Variants in TENM2 observed in about 807,000 individuals in gnomAD.
TENM2 encodes teneurin-2.
A neutral mutation model predicts 245.2 loss-of-function variants in TENM2; 52 were observed. The ratio of observed to expected loss-of-function variants is 0.21; its 90% CI spans 0.17 to 0.27. The LOEUF (loss-of-function observed/expected upper bound fraction) is 0.27. Among genes scored for constraint, TENM2 ranks in the 10% least tolerant of loss-of-function variants. The pLI, the probability that TENM2 is intolerant of heterozygous loss-of-function variation, is 1.00. For missense variants in TENM2, 3,046 were observed against 3,666.8 expected, an observed-to-expected ratio of 0.83 and a Z score of 4.37; for synonymous variants, 1,363 against 1,438.9, an observed-to-expected ratio of 0.95 and a Z score of 1.19.
chr5:168,195,853 G>A (rs1174545348), intron 15 of TENM2, among the ~76,000 whole-genome samples: 1 of 152,034 alleles, frequency 6.6e-6, no homozygotes, highest in African/African-American at 2.4e-5. Flanking sequence ...CTGTGTGAAG[G>A]AGGCAACCTT....
At chr5:167,662,364 T>C (rs1332399418) in intron 2 of TENM2, among the ~76,000 whole-genome samples, 1 of 152,192 alleles carries the variant, frequency 6.6e-6, no homozygotes, top group East Asian at 1.9e-4. Flanking sequence ...ATGTGTGTTG[T>C]TCATTTTAAT....
At chr5:168,033,557 G>A (rs1443465063) in intron 5 of TENM2, among the ~76,000 whole-genome samples, 1 of 152,078 alleles carries the variant, frequency 6.6e-6, no homozygotes, top group Non-Finnish European at 1.5e-5. Context: ...CACACTCCCA[G>A]ACCTCAGTTA....
intron 14 of TENM2, among the ~76,000 whole-genome samples, chr5:168,192,676 TA>T (rs537267035): frequency 2.0e-5 from 3 of 152,222 alleles, no homozygotes; most frequent in African/African-American, 7.2e-5. Flanking sequence ...CTCTGATAAA[TA>T]AAAAGCATTT....
chr5:167,666,246 A>T (rs1172701149), intron 2 of TENM2, among the ~76,000 whole-genome samples: 3 of 152,184 alleles, frequency 2.0e-5, no homozygotes, highest in Non-Finnish European at 4.4e-5. Context: ...GGTTGAAAGG[A>T]ACTGAAGTGA....
At chr5:167,055,396 C>T in the TENM2 span, among the ~76,000 whole-genome samples, 1 of 151,998 alleles carries the variant, frequency 6.6e-6, no homozygotes, top group African/African-American at 2.4e-5. Flanking sequence ...TCCCATTGAT[C>T]TATTTGTCCA....
chr5:167,660,763 C>G (rs1755160253), intron 2 of TENM2, among the ~76,000 whole-genome samples: 1 of 152,036 alleles, frequency 6.6e-6, no homozygotes, highest in Non-Finnish European at 1.5e-5. Flanking sequence ...TAACTAGTAT[C>G]TAAAGGAAAG....
chr5:167,290,393 G>A (rs79786345), intron 1 of TENM2, among the ~76,000 whole-genome samples: 7,806 of 152,102 alleles, frequency 0.051, 638 homozygotes, highest in African/African-American at 0.17. Context: ...TATTAGATCT[G>A]GACATTATCT....
rs541388954 is a variant in TENM2, at chr5:167,285,839, G to A, written c.226+776G>A. 4.7e-4 allele frequency among the ~76,000 whole-genome samples: 72 copies of A among 152,346 alleles called. No individual in the cohort carries two copies. In the South Asian group the frequency reaches 0.014, roughly 30 times the overall value. ...CACAAAACTGTACCGAATGCCTCGG[G>A]AAGGGTCACTCTGCCAGTGCCAAAG... On this transcript the variant is annotated intron_variant, in intron 1 of 28. Transcript: ENST00000518659.
In TENM2 at chr5:168,070,810, AG is replaced by A. The variant is rs1396343887; in HGVS notation, c.1515+8546del. Among the ~76,000 whole-genome samples, 456 of 135,760 alleles carry A rather than the reference AG, an allele frequency of 3.4e-3. 2 individuals are homozygous for A. Among genetic ancestry groups the A allele is most frequent in the African/African-American group, 0.011 (431 of 37,626 alleles). 89.1% of individuals were successfully genotyped at this position (135,760 alleles called of 152,430 possible). A position where few individuals can be genotyped will look rare whatever the true frequency, so the allele number is the denominator to read the frequency against. Reference sequence around the variant, plus strand: ...AAGAAAGAAAGAGAGAGAGAGAGAGAGAGAGAGAGAAAAAAAGAAAGAAGAA... The same window carrying A: ...AAGAAAGAAAGAGAGAGAGAGAGAGAAGAGAGAGAAAAAAAGAAAGAAGAA... On this transcript the variant is annotated intron_variant, in intron 7 of 28. Transcript: ENST00000518659.
At chr5:167,167,636 G>A in the TENM2 span, among the ~76,000 whole-genome samples, 2 of 152,196 alleles carry the variant, frequency 1.3e-5, no homozygotes, top group Non-Finnish European at 2.9e-5. Flanking sequence ...ACTGTCTTAT[G>A]TGTGATCACA....
rs144964373 is a variant in TENM2, at chr5:167,545,602, A to G, written c.502+170129A>G. On this transcript the variant is annotated intron_variant, in intron 2 of 28. Transcript: ENST00000518659. ...TCTGATAGTGCATTATACATCAAAT[A>G]CAATAAAAAAGGCATTAACAAAAAC... Among the ~76,000 whole-genome samples the G allele has an allele frequency of 5.9e-4, 90 of 152,342 alleles. 1 individual carries two copies. The East Asian group carries it at 0.015, about 26-fold the overall frequency.
At chr5:167,687,025 C>T (rs541940852) in intron 2 of TENM2, among the ~76,000 whole-genome samples, 1 of 152,200 alleles carries the variant, frequency 6.6e-6, no homozygotes, top group South Asian at 2.1e-4. Flanking sequence ...AAACACATTG[C>T]CAAATACTTG....
At chr5:167,489,489 A>T (rs1768291539) in intron 2 of TENM2, among the ~76,000 whole-genome samples, 1 of 152,156 alleles carries the variant, frequency 6.6e-6, no homozygotes, top group Admixed American at 6.5e-5. Flanking sequence ...TTTGTCAGGG[A>T]GTGTTTCTGA....
chr5:167,163,744 C>T, the TENM2 span, among the ~76,000 whole-genome samples: 1 of 152,194 alleles, frequency 6.6e-6, no homozygotes, highest in Non-Finnish European at 1.5e-5. Flanking sequence ...TTCATTCCAG[C>T]AGGCTGTTGC....
At chr5:167,070,284 A>ATTTTTTTTTTTTTTTTTTTT in the TENM2 span, among the ~76,000 whole-genome samples, 26 of 99,344 alleles carry the variant, frequency 2.6e-4, no homozygotes, top group African/African-American at 8.8e-4. Flanking sequence ...CGCCCGGCTA[A>ATTTTTTTTTTTTTTTTTTTT]TTTTTTTTTT....
intron 2 of TENM2, among the ~76,000 whole-genome samples, chr5:167,748,418 A>T (rs987161945): frequency 6.6e-5 from 10 of 151,944 alleles, no homozygotes; most frequent in African/African-American, 2.4e-4. Flanking sequence ...TTGTTCTATC[A>T]CCTAGGCTGG....
intron 7 of TENM2, among the ~76,000 whole-genome samples, chr5:168,071,008 T>C (rs1207370247): frequency 6.6e-6 from 1 of 152,030 alleles, no homozygotes; most frequent in African/African-American, 2.4e-5. Context: ...AAGAAACTGC[T>C]GTGGAACTGC....
At position 167,898,994 on chromosome 5, in the gene TENM2, G is replaced by A. The variant is rs149300860; in HGVS notation, c.712+22799G>A. On this transcript the variant is annotated intron_variant, in intron 3 of 28. Coordinates refer to ENST00000518659, the Ensembl canonical transcript of TENM2. ...CTTTGGGTCTGGATTTCAGGGAAGAGAGGCAAGAGGGAAGAAAAGAATGGA... is the reference window on the plus strand; with the variant it reads ...CTTTGGGTCTGGATTTCAGGGAAGAAAGGCAAGAGGGAAGAAAAGAATGGA... Among the ~76,000 whole-genome samples, 597 of 152,184 alleles carry A rather than the reference G, an allele frequency of 3.9e-3. 7 individuals are homozygous for A. Among genetic ancestry groups the A allele is most frequent in the African/African-American group, 0.013 (558 of 41,514 alleles).
intron 1 of TENM2, among the ~76,000 whole-genome samples, chr5:167,336,884 G>A (rs1223866610): frequency 1.3e-5 from 2 of 151,206 alleles, no homozygotes; most frequent in South Asian, 2.1e-4. Flanking sequence ...TTGGGAGGCC[G>A]AGGCGGGTGG....
Sources: gnomAD v4.1 joint callset for allele counts (sites outside exome capture counted in the v4.1 genomes callset) on GRCh38, gnomAD v4.1.1 for gene constraint, MANE v1.5 for transcripts, NCBI Gene and HGNC (gene_info 2026-07-23, HGNC 2026-07-21) for gene names.